PGM5: variants seen among roughly 807,000 people sequenced by gnomAD.
PGM5 encodes the protein phosphoglucomutase 5.
In PGM5, 23 loss-of-function variants were observed where a neutral mutation model predicts 59.2. The ratio of observed to expected loss-of-function variants is 0.39; its 90% CI spans 0.28 to 0.55. The LOEUF (loss-of-function observed/expected upper bound fraction) is 0.55, where lower values mean the gene tolerates loss of function less well. PGM5 is among the 20% of genes least tolerant of loss of function. The pLI is 0.66. For missense variants in PGM5, 574 were observed against 748.3 expected, an observed-to-expected ratio of 0.77 and a Z score of 2.72; for synonymous variants, 214 against 286.0, an observed-to-expected ratio of 0.75 and a Z score of 2.54.
intron 6 of PGM5, among the ~76,000 whole-genome samples, chr9:68,417,851 C>A (rs1823060888): frequency 6.7e-6 from 1 of 150,006 alleles, no homozygotes; most frequent in Non-Finnish European, 1.5e-5. Context: ...TCAGTTGGAC[C>A]ATGTCTCTCC....
intron 2 of PGM5, among the ~76,000 whole-genome samples, chr9:68,382,479 G>A (rs1247582229): frequency 6.6e-6 from 1 of 151,714 alleles, no homozygotes; most frequent in East Asian, 1.9e-4. Context: ...CACATCAAAA[G>A]CTCAGGCTAC....
intron 10 of PGM5, among the ~76,000 whole-genome samples, chr9:68,521,345 T>C (rs1219835615): frequency 1.3e-5 from 2 of 152,186 alleles, no homozygotes; most frequent in African/African-American, 2.4e-5. Context: ...GTATATAAAA[T>C]GGCAGTGAGG....
At chr9:68,462,031 C>T (rs1017550559) in intron 6 of PGM5, among the ~76,000 whole-genome samples, 1 of 152,092 alleles carries the variant, frequency 6.6e-6, no homozygotes, top group Non-Finnish European at 1.5e-5. Flanking sequence ...TGTTGGAAAG[C>T]TAGGTTGATG....
intron 10 of PGM5, among the ~76,000 whole-genome samples, chr9:68,509,019 G>A (rs1413984401): frequency 2.0e-5 from 3 of 152,226 alleles, no homozygotes; most frequent in Admixed American, 6.5e-5. Context: ...CAATTAGCCA[G>A]CATCTGGAAG....
At chr9:68,516,376 C>T (rs780623851) in intron 10 of PGM5, among the ~76,000 whole-genome samples, 2 of 152,180 alleles carry the variant, frequency 1.3e-5, no homozygotes, top group Non-Finnish European at 2.9e-5. Flanking sequence ...CCTCCTATTC[C>T]CTTTTATGTC....
chr9:68,420,006 G>A (rs930516950), intron 6 of PGM5, among the ~76,000 whole-genome samples: 10 of 152,154 alleles, frequency 6.6e-5, no homozygotes, highest in Non-Finnish European at 1.0e-4. Flanking sequence ...CAAGTGCATG[G>A]AAAATGTCTT....
intron 6 of PGM5, among the ~76,000 whole-genome samples, chr9:68,445,134 A>ATT (rs112573481): frequency 6.7e-6 from 1 of 150,030 alleles, no homozygotes; most frequent in Non-Finnish European, 1.5e-5. Context: ...ACTCAATAGG[A>ATT]TTTTTTTTTT....
At chr9:68,479,357 A>G in intron 7 of PGM5, 61 bp from the exon 8 acceptor site, 1 of 1,525,912 alleles carries the variant, frequency 6.6e-7, no homozygotes, top group East Asian at 2.3e-5. Context: ...TTCTTAATTC[A>G]TTTAGCTTTT....
rs115432886 is a variant in PGM5 at position 68,483,602 on chromosome 9, G to T, written c.1296-263G>T. 6.2e-3 allele frequency among the ~76,000 whole-genome samples: 943 copies of T among 152,270 alleles called. 11 individuals are homozygous for T. The highest frequency in any genetic ancestry group is 0.021 in the African/African-American group (863 of 41,550). ...GTGCCTGATAGACCAAGGTTAAAGT[G>T]TTGAGTTTTGTTCTCAATGTGATGG... On this transcript the variant is annotated intron_variant, in intron 8 of 10. Transcript: ENST00000396396.
chr9:68,444,064 T>TTC (rs1207511671), intron 6 of PGM5, among the ~76,000 whole-genome samples: 3 of 140,872 alleles, frequency 2.1e-5, no homozygotes, highest in African/African-American at 8.1e-5. Context: ...CTTTCTTTCT[T>TTC]TTTTTTTTTT....
At chr9:68,411,645 G>A (rs1405245741) in intron 6 of PGM5, among the ~76,000 whole-genome samples, 7 of 151,798 alleles carry the variant, frequency 4.6e-5, no homozygotes, top group Admixed American at 4.6e-4. Flanking sequence ...ACCTTCTCTG[G>A]GTCAGATAGT....
At chr9:68,508,176 C>T (rs1257752389) in intron 10 of PGM5, among the ~76,000 whole-genome samples, 1 of 152,076 alleles carries the variant, frequency 6.6e-6, no homozygotes, top group Admixed American at 6.5e-5. Context: ...TCTCAAATCT[C>T]TCTTTGTGGC....
chr9:68,423,657 C>G (rs570259930), intron 6 of PGM5, among the ~76,000 whole-genome samples: 115 of 25,396 alleles, frequency 4.5e-3, no homozygotes, highest in Admixed American at 0.022. Context: ...CTCTCTCTGT[C>G]TCTCTCTCTC....
intron 6 of PGM5, among the ~76,000 whole-genome samples, chr9:68,395,151 AT>A (rs1822467725): frequency 6.6e-6 from 1 of 152,086 alleles, no homozygotes; most frequent in Non-Finnish European, 1.5e-5. Flanking sequence ...TTTTGAATTA[AT>A]TTTTGAGCAC....
chr9:68,524,420 A>G (rs1824942822), intron 10 of PGM5, among the ~76,000 whole-genome samples: 1 of 152,194 alleles, frequency 6.6e-6, no homozygotes, highest in Non-Finnish European at 1.5e-5. Flanking sequence ...TTGGAGCAAG[A>G]TAAGCGTTCA....
At chr9:68,454,687 G>T (rs1191366012) in intron 6 of PGM5, among the ~76,000 whole-genome samples, 1 of 152,184 alleles carries the variant, frequency 6.6e-6, no homozygotes, top group Admixed American at 6.5e-5. Flanking sequence ...CTTGGCCAAG[G>T]TTGCACTGCA....
In PGM5 at chr9:68,529,816, C is replaced by A; in HGVS notation, c.*160C>A. On this transcript the variant is annotated 3_prime_UTR_variant, in exon 11 of 11. Coordinates refer to ENST00000396396, the MANE Select transcript of PGM5 (RefSeq NM_021965.4). The stretch of plus-strand genomic sequence containing the variant: ...GGTGGGTGGGAAAAGAAAAAAAATC[C>A]ATTTGGTTTTGGTTTTGTCCTATTC... 1.8e-6 allele frequency: 1 copy of A among 542,734 alleles called. No homozygotes were observed. Among genetic ancestry groups the A allele is most frequent in the Admixed American group, 3.8e-5 (1 of 26,180 alleles). 33.6% of individuals were successfully genotyped at this position (542,734 alleles called of 1,614,324 possible).
At chr9:68,421,857 A>G (rs997545074) in intron 6 of PGM5, among the ~76,000 whole-genome samples, 37 of 152,236 alleles carry the variant, frequency 2.4e-4, no homozygotes, top group African/African-American at 8.2e-4. Context: ...TAGAGAAGAA[A>G]GATAATGTAG....
At chr9:68,415,097 A>G (rs1369676173) in intron 6 of PGM5, among the ~76,000 whole-genome samples, 2 of 149,370 alleles carry the variant, frequency 1.3e-5, no homozygotes, top group Admixed American at 6.6e-5. Context: ...TAAGGAGCCA[A>G]TTCTTCTCTG....
Sources: gnomAD v4.1 joint callset for allele counts (sites outside exome capture counted in the v4.1 genomes callset) on GRCh38, gnomAD v4.1.1 for gene constraint, MANE v1.5 for transcripts, NCBI Gene and HGNC (gene_info 2026-07-23, HGNC 2026-07-21) for gene names.